MTA3: variants seen among roughly 807,000 people sequenced by gnomAD.
MTA3 encodes the protein metastasis-associated protein MTA3.
In MTA3, 34 loss-of-function variants were observed where a neutral mutation model predicts 83.5. That is an observed-to-expected ratio of 0.41 (90% CI 0.31 to 0.54). The LOEUF (loss-of-function observed/expected upper bound fraction) is 0.54. MTA3 is among the 20% of genes least tolerant of loss of function. The pLI, the probability that MTA3 is intolerant of heterozygous loss-of-function variation, is 0.33. For missense variants in MTA3, 761 were observed against 726.4 expected (o/e 1.05, Z -0.55); for synonymous variants, 303 against 252.7 (o/e 1.20, Z -1.89).
chr2:42,558,798 G>C (rs1248477634), intron 2 of MTA3, among the ~76,000 whole-genome samples: 2 of 150,576 alleles, frequency 1.3e-5, no homozygotes, highest in African/African-American at 4.9e-5. Context: ...CATGCAATCC[G>C]CCTGCCTCAG....
chr2:42,624,065 G>GC (rs1310175356), intron 4 of MTA3, among the ~76,000 whole-genome samples: 2 of 152,102 alleles, frequency 1.3e-5, no homozygotes, highest in Non-Finnish European at 2.9e-5. Flanking sequence ...AGGAACAAAC[G>GC]CAAGAGACAG....
At chr2:42,662,707 T>G (rs1689837011) in intron 8 of MTA3, among the ~76,000 whole-genome samples, 1 of 151,074 alleles carries the variant, frequency 6.6e-6, no homozygotes, top group Non-Finnish European at 1.5e-5. Flanking sequence ...GCCCCTATGT[T>G]TTCCCTAACT....
At chr2:42,534,760 A>G (rs1406521641) in intron 2 of MTA3, among the ~76,000 whole-genome samples, 1 of 152,158 alleles carries the variant, frequency 6.6e-6, no homozygotes, top group Admixed American at 6.6e-5. Flanking sequence ...TTCATCTATT[A>G]TATGCCACTG....
intron 4 of MTA3, among the ~76,000 whole-genome samples, chr2:42,631,684 A>G (rs1686688874): frequency 6.6e-6 from 1 of 152,072 alleles, no homozygotes; most frequent in African/African-American, 2.4e-5. Context: ...GTTATTTTGT[A>G]TTATTATTTT....
chr2:42,521,420 G>C (rs1675424633), intron 2 of MTA3, among the ~76,000 whole-genome samples: 1 of 152,154 alleles, frequency 6.6e-6, no homozygotes, highest in Non-Finnish European at 1.5e-5. Flanking sequence ...GCTGCACCCA[G>C]ATTCCTAACC....
chr2:42,587,329 A>T (rs958344305), intron 3 of MTA3, among the ~76,000 whole-genome samples: 1 of 152,190 alleles, frequency 6.6e-6, no homozygotes, highest in Non-Finnish European at 1.5e-5. Context: ...ATAAGTTGAC[A>T]TTTGAATGAG....
intron 4 of MTA3, among the ~76,000 whole-genome samples, chr2:42,625,322 G>A (rs925507263): frequency 2.0e-5 from 3 of 151,574 alleles, no homozygotes; most frequent in East Asian, 1.9e-4. Context: ...GTGAGCCACC[G>A]TGCCTGGCCG....
chr2:42,498,187 T>G (rs1674232595), intron 2 of MTA3, among the ~76,000 whole-genome samples: 1 of 152,234 alleles, frequency 6.6e-6, no homozygotes, highest in African/African-American at 2.4e-5. Flanking sequence ...ATGTTTGCAT[T>G]TACATCAGTT....
At chr2:42,652,046 A>G (rs113906314) in intron 6 of MTA3, among the ~76,000 whole-genome samples, 3,060 of 152,190 alleles carry the variant, frequency 0.02, 87 homozygotes, top group African/African-American at 0.068. Flanking sequence ...GCAGTGAGCC[A>G]AGATCACGGC....
At chr2:42,578,054 C>T (rs1679241606) in intron 2 of MTA3, among the ~76,000 whole-genome samples, 1 of 152,198 alleles carries the variant, frequency 6.6e-6, no homozygotes, top group South Asian at 2.1e-4. Context: ...ACTGTTTCCA[C>T]AGGACTATTT....
At chr2:42,641,991 A>G (rs1292305981) in intron 5 of MTA3, among the ~76,000 whole-genome samples, 2 of 152,188 alleles carry the variant, frequency 1.3e-5, no homozygotes, top group Admixed American at 6.5e-5. Context: ...ATGTATGCAT[A>G]TAAGAACTCT....
At chr2:42,713,785 C>T (rs1238039775) in intron 14 of MTA3, among the ~76,000 whole-genome samples, 1 of 152,118 alleles carries the variant, frequency 6.6e-6, no homozygotes. Context: ...GCTGCATAAT[C>T]TATTTTGTTG....
chr2:42,628,034 A>G (rs555811921), intron 4 of MTA3, among the ~76,000 whole-genome samples: 6 of 151,568 alleles, frequency 4.0e-5, no homozygotes, highest in Non-Finnish European at 7.4e-5. Flanking sequence ...ACAGGTGAGC[A>G]CCACCACGCC....
In MTA3 at chr2:42,516,891, A is replaced by G. The variant is rs1209968545; in HGVS notation, c.-141+21637A>G. ...TGTCGTCACAGCACTTTGAGAGGCCATGAAGGGAGGAATACTTGAGCCCAG... is the reference window on the plus strand; with the variant it reads ...TGTCGTCACAGCACTTTGAGAGGCCGTGAAGGGAGGAATACTTGAGCCCAG... On this transcript the variant is annotated intron_variant, in intron 2 of 17. Transcript: ENST00000405592. Among the ~76,000 whole-genome samples, 7 of 152,174 alleles carry G rather than the reference A, an allele frequency of 4.6e-5. No individual in the cohort carries two copies. The South Asian group carries it at 6.2e-4, about 14-fold the overall frequency.
intron 8 of MTA3, among the ~76,000 whole-genome samples, chr2:42,678,377 G>C (rs993703168): frequency 6.6e-6 from 1 of 151,916 alleles, no homozygotes; most frequent in Admixed American, 6.6e-5. Flanking sequence ...TCACTCTGCC[G>C]CCCAGGCTGG....
intron 2 of MTA3, among the ~76,000 whole-genome samples, chr2:42,532,433 C>G (rs1354834139): frequency 6.6e-6 from 1 of 152,136 alleles, no homozygotes; most frequent in Non-Finnish European, 1.5e-5. Context: ...GCCCTTCTAC[C>G]CGGAAGGCAG....
chr2:42,517,182 C>A (rs901189763), intron 2 of MTA3, among the ~76,000 whole-genome samples: 1 of 150,702 alleles, frequency 6.6e-6, no homozygotes, highest in Non-Finnish European at 1.5e-5. Flanking sequence ...ATCGCTTGAA[C>A]ACGGGAGGCG....
intron 2 of MTA3, among the ~76,000 whole-genome samples, chr2:42,551,931 T>C (rs1431882818): frequency 6.6e-6 from 1 of 152,086 alleles, no homozygotes; most frequent in Non-Finnish European, 1.5e-5. Context: ...TTTCACCATG[T>C]TGGCCAAGAT....
chr2:42,541,003 T>C (rs914235000), intron 2 of MTA3, among the ~76,000 whole-genome samples: 3 of 152,032 alleles, frequency 2.0e-5, no homozygotes, highest in African/African-American at 7.2e-5. Context: ...ACAAAAGCCA[T>C]ACACATTCAG....
Sources: gnomAD v4.1 joint callset for allele counts (sites outside exome capture counted in the v4.1 genomes callset) on GRCh38, gnomAD v4.1.1 for gene constraint, MANE v1.5 for transcripts, NCBI Gene and HGNC (gene_info 2026-07-23, HGNC 2026-07-21) for gene names.